Variants in KRCC1 observed in about 807,000 individuals in gnomAD.
The protein encoded by KRCC1 is lysine-rich coiled-coil protein 1.
KRCC1 carries 3 observed loss-of-function variants against 7.4 expected under a neutral mutation model. The ratio of observed to expected loss-of-function variants is 0.40; its 90% confidence interval spans 0.18 to 1.04. The LOEUF is 1.04. Among genes scored for constraint, KRCC1 ranks in the 50% least tolerant of loss-of-function variants. The probability of loss-of-function intolerance (pLI) is 0.33; values close to 1 mark genes in which losing one functional copy is unlikely to be tolerated. For missense variants in KRCC1, 277 were observed against 300.9 expected, an observed-to-expected ratio of 0.92 and a Z score of 0.59; for synonymous variants, 102 against 101.6, an observed-to-expected ratio of 1.00 and a Z score of -0.02.
intron 1 of KRCC1, among the ~76,000 whole-genome samples, chr2:88,050,438 C>T (rs776976389): frequency 3.3e-5 from 5 of 152,090 alleles, no homozygotes; most frequent in Non-Finnish European, 5.9e-5. Flanking sequence ...CCAGCCAACA[C>T]GGTGAAATCC....
chr2:88,046,560 A>G (rs929704173), intron 1 of KRCC1, among the ~76,000 whole-genome samples: 30 of 152,336 alleles, frequency 2.0e-4, no homozygotes, highest in Non-Finnish European at 3.8e-4. Context: ...AGGAGTACCT[A>G]ATTCTTTGTA....
chr2:88,040,669 A>G (rs547170666), intron 1 of KRCC1, among the ~76,000 whole-genome samples: 47 of 152,352 alleles, frequency 3.1e-4, no homozygotes, highest in African/African-American at 7.9e-4. Context: ...CTTACATTAC[A>G]CATAGCTGTT....
At chr2:88,052,018 T>A (rs1011190028) in intron 1 of KRCC1, among the ~76,000 whole-genome samples, 2 of 152,248 alleles carry the variant, frequency 1.3e-5, no homozygotes, top group Non-Finnish European at 2.9e-5. Context: ...TGGTAGCACC[T>A]GCACTTGCTC....
At chr2:88,040,018 A>G (rs1558833685) in intron 1 of KRCC1, among the ~76,000 whole-genome samples, 1 of 152,190 alleles carries the variant, frequency 6.6e-6, no homozygotes, top group Non-Finnish European at 1.5e-5. Flanking sequence ...TAAATCTTTA[A>G]TAAGAACAGG....
chr2:88,043,158 C>A (rs1319955888), intron 1 of KRCC1, among the ~76,000 whole-genome samples: 1 of 152,162 alleles, frequency 6.6e-6, no homozygotes, highest in Non-Finnish European at 1.5e-5. Context: ...CAGTGGTTCT[C>A]AATCTCAATC....
chr2:88,049,535 C>CAGT (rs1673421440), intron 1 of KRCC1, among the ~76,000 whole-genome samples: 1 of 152,176 alleles, frequency 6.6e-6, no homozygotes, highest in African/African-American at 2.4e-5. Context: ...ATAGTCCCAC[C>CAGT]TACTTAGGAG....
intron 2 of KRCC1, among the ~76,000 whole-genome samples, chr2:88,035,112 G>A (rs914592342): frequency 4.6e-5 from 7 of 152,130 alleles, no homozygotes; most frequent in Non-Finnish European, 1.0e-4. Context: ...AAAAGTTTAC[G>A]AATAGAATTT....
rs546514342 is a variant in KRCC1 at position 88,037,569 on chromosome 2, T to C, written c.-290-518A>G. Among the ~76,000 whole-genome samples, 316 of 152,310 alleles carry C rather than the reference T, an allele frequency of 2.1e-3. 1 individual carries two copies. The highest frequency in any genetic ancestry group is 3.4e-3 in the Admixed American group (52 of 15,302). On this transcript the variant is annotated intron_variant, in intron 1 of 3. Transcript: ENST00000347055. ...GAGTACAGGCGCATGTCACTGTACC[T>C]GGCTAATTTTTGTATTTTTTGTAGA...
chr2:88,039,410 G>A (rs1043570952), intron 1 of KRCC1, among the ~76,000 whole-genome samples: 4 of 152,174 alleles, frequency 2.6e-5, no homozygotes, highest in African/African-American at 9.7e-5. Context: ...TCTCAGGCTG[G>A]GTGTGATGGC....
chr2:88,043,407 A>G (rs1233083622), intron 1 of KRCC1, among the ~76,000 whole-genome samples: 2 of 152,246 alleles, frequency 1.3e-5, no homozygotes, highest in African/African-American at 2.4e-5. Context: ...TATTCCTGGC[A>G]CAATCTTGTA....
chr2:88,054,003 G>A (rs1673556984), intron 1 of KRCC1, among the ~76,000 whole-genome samples: 1 of 152,164 alleles, frequency 6.6e-6, no homozygotes. Context: ...CTTCTGCAGT[G>A]GGATCAAGCA....
At chr2:88,045,886 G>A (rs1043721603) in intron 1 of KRCC1, among the ~76,000 whole-genome samples, 1 of 151,884 alleles carries the variant, frequency 6.6e-6, no homozygotes, top group African/African-American at 2.4e-5. Context: ...CACCATGTTG[G>A]CCAGGCTGGT....
Position 88,028,045 on chromosome 2 carries a change from C to G in KRCC1, c.519G>C (p.Glu173Asp). The change falls in exon 4 of 4, where the codon GAG (glutamate) becomes GAC (aspartate). Residue 173 changes from glutamate (E) to aspartate (D), a missense_variant. Transcript: ENST00000347055. Reference protein sequence around the residue: ...HPEEGREKSEEERSKHKRKKS... With the variant: ...HPEEGREKSEDERSKHKRKKS... ...TTTTTCTCTTATGCTTAGACCGCTC[C>G]TCCTCTGATTTTTCTCTGCCTTCCT... 1.9e-6 allele frequency: 3 copies of G among 1,614,056 alleles called. No individual in the cohort carries two copies. The highest frequency in any genetic ancestry group is 2.5e-6 in the Non-Finnish European group (3 of 1,180,044).
intron 1 of KRCC1, among the ~76,000 whole-genome samples, chr2:88,049,281 T>C (rs1162061503): frequency 2.0e-5 from 3 of 152,172 alleles, no homozygotes; most frequent in Non-Finnish European, 4.4e-5. Flanking sequence ...GAAGTTAGTT[T>C]TACTTGGATC....
At chr2:88,052,841 A>G (rs1215543504) in intron 1 of KRCC1, among the ~76,000 whole-genome samples, 2 of 152,224 alleles carry the variant, frequency 1.3e-5, no homozygotes, top group Non-Finnish European at 2.9e-5. Flanking sequence ...AATGACCTAC[A>G]AAGTGTTGTC....
chr2:88,028,632 A>ATCTTTTTTTTTTT, intron 3 of KRCC1, 47 bp from the exon 4 acceptor site: 4 of 861,104 alleles, frequency 4.6e-6, no homozygotes, highest in Non-Finnish European at 1.7e-6. Flanking sequence ...TGTCCTGAGC[A>ATCTTTTTTTTTTT]TTTCCTTTGC....
At chr2:88,048,634 TAAAG>T (rs1673398756) in intron 1 of KRCC1, among the ~76,000 whole-genome samples, 1 of 152,218 alleles carries the variant, frequency 6.6e-6, no homozygotes, top group African/African-American at 2.4e-5. Flanking sequence ...ACTCTGCAAA[TAAAG>T]ACAGTATTAT....
intron 1 of KRCC1, among the ~76,000 whole-genome samples, chr2:88,045,532 T>C (rs1478930539): frequency 6.6e-6 from 1 of 152,148 alleles, no homozygotes; most frequent in East Asian, 1.9e-4. Flanking sequence ...TCTCTAGTAA[T>C]AGCAGCAGAT....
chr2:88,047,242 A>ATTAT (rs537228686), intron 1 of KRCC1, among the ~76,000 whole-genome samples: 322 of 152,202 alleles, frequency 2.1e-3, no homozygotes, highest in African/African-American at 6.4e-3. Flanking sequence ...TTGACGCTGA[A>ATTAT]TTATTTATTT....
Sources: allele counts gnomAD v4.1 joint callset (sites outside exome capture counted in the v4.1 genomes callset), GRCh38; gene constraint gnomAD v4.1.1; transcripts MANE v1.5; gene names NCBI Gene and HGNC (gene_info 2026-07-23, HGNC 2026-07-21).